MYT1L: variants seen among roughly 807,000 people sequenced by gnomAD.
MYT1L encodes myelin transcription factor 1 like.
Under a neutral mutation model 126.7 loss-of-function variants are expected in MYT1L, and 12 were observed. The ratio of observed to expected loss-of-function variants is 0.09; its 90% CI spans 0.06 to 0.15. MYT1L has a LOEUF of 0.15. MYT1L is among the 10% of genes least tolerant of loss of function. The pLI, the probability that MYT1L is intolerant of heterozygous loss-of-function variation, is 1.00. For synonymous variants in MYT1L, 541 were observed against 604.2 expected, an observed-to-expected ratio of 0.90 and a Z score of 1.53; for missense variants, 979 against 1,585.2, an observed-to-expected ratio of 0.62 and a Z score of 6.49.
intron 2 of MYT1L, among the ~76,000 whole-genome samples, chr2:2,272,630 C>G (rs1248083260): frequency 2.0e-5 from 3 of 152,150 alleles, no homozygotes; most frequent in Non-Finnish European, 4.4e-5. Context: ...CAGCATAGGT[C>G]TCTTCTCTGA....
intron 4 of MYT1L, among the ~76,000 whole-genome samples, chr2:2,020,623 T>C (rs952874368): frequency 6.6e-6 from 1 of 152,240 alleles, no homozygotes; most frequent in African/African-American, 2.4e-5. Context: ...ACTTAATCTT[T>C]TCATATCATA....
At chr2:1,813,614 A>G (rs1324553335) in intron 21 of MYT1L, among the ~76,000 whole-genome samples, 1 of 152,076 alleles carries the variant, frequency 6.6e-6, no homozygotes, top group African/African-American at 2.4e-5. Context: ...CAGGAGCGCA[A>G]ACGCTACTGA....
In MYT1L at chr2:1,892,087, C is replaced by T. The variant is rs2048962401; in HGVS notation, c.2233G>A (p.Glu745Lys). 6.5e-7 allele frequency: 1 copy of T among 1,542,812 alleles called. No individual in the cohort carries two copies. Residue 745 changes from glutamate to lysine, a missense_variant, in exon 15 of 25, where the codon GAG becomes AAG. By Grantham distance (56) the Glu-to-Lys change is moderately conservative (BLOSUM62 1). This residue lies in a region of MYT1L where 28 missense variants were observed against 66.6 expected (regional missense o/e 0.42). Coordinates refer to ENST00000647738, the MANE Select transcript of MYT1L (RefSeq NM_001303052.2). ...TTGGTGCTCAGGTTCTGCGGCATCT[C>T]GCGGCAGCGCGTGGACAGGTTGAGG... ...AILNLSTRCR[E>K]MPQNLSTKPQ...
chr2:2,174,737 T>C (rs1467929663), intron 2 of MYT1L, among the ~76,000 whole-genome samples: 6 of 152,124 alleles, frequency 3.9e-5, no homozygotes, highest in Non-Finnish European at 1.5e-5. Flanking sequence ...CATAATATTA[T>C]GATTTAAAAA....
chr2:1,997,510 TAG>T (rs2061974595), intron 4 of MYT1L, among the ~76,000 whole-genome samples, 163 bp from the exon 5 acceptor site: 1 of 152,248 alleles, frequency 6.6e-6, no homozygotes, highest in South Asian at 2.1e-4. Context: ...CATTCCCCTT[TAG>T]AGTTTATTCT....
chr2:2,022,443 A>AT (rs1006387083), intron 4 of MYT1L, among the ~76,000 whole-genome samples: 11 of 151,992 alleles, frequency 7.2e-5, no homozygotes, highest in African/African-American at 2.4e-4. Flanking sequence ...AATTTTAGGT[A>AT]TTTTTTTTAA....
intron 5 of MYT1L, among the ~76,000 whole-genome samples, chr2:1,993,048 T>C (rs2061561816): frequency 6.6e-6 from 1 of 152,172 alleles, no homozygotes; most frequent in Non-Finnish European, 1.5e-5. Flanking sequence ...TCAGCACTCC[T>C]GGCTCACTGG....
chr2:2,099,418 T>C (rs1450640358), intron 3 of MYT1L, among the ~76,000 whole-genome samples: 1 of 152,130 alleles, frequency 6.6e-6, no homozygotes, highest in Non-Finnish European at 1.5e-5. Context: ...CATAAAAGTT[T>C]CTGAAAGGCT....
intron 2 of MYT1L, among the ~76,000 whole-genome samples, chr2:2,222,362 G>A (rs1440139096): frequency 2.6e-5 from 4 of 151,892 alleles, no homozygotes; most frequent in Admixed American, 2.0e-4. Context: ...TGTGGTGGAG[G>A]GCACCCGTGA....
At chr2:2,312,859 G>A (rs551249789) in intron 1 of MYT1L, among the ~76,000 whole-genome samples, 2 of 152,118 alleles carry the variant, frequency 1.3e-5, no homozygotes, top group South Asian at 4.2e-4. Flanking sequence ...GGAAGAAAGG[G>A]GGGTTCTGGC....
intron 3 of MYT1L, among the ~76,000 whole-genome samples, chr2:2,099,719 G>A (rs2077836873): frequency 6.6e-6 from 1 of 152,172 alleles, no homozygotes; most frequent in Admixed American, 6.5e-5. Flanking sequence ...CCAACTCCAA[G>A]ATCACCAGAT....
chr2:2,134,704 A>C (rs2082816687), intron 3 of MYT1L, among the ~76,000 whole-genome samples: 1 of 152,176 alleles, frequency 6.6e-6, no homozygotes, highest in Non-Finnish European at 1.5e-5. Context: ...ATTTGCCAGC[A>C]CTTTGATCCT....
At position 1,943,422 on chromosome 2, in the gene MYT1L, G is replaced by C. The variant is rs998588408; in HGVS notation, c.153-88C>G. 13 of 1,387,638 alleles carry C rather than the reference G, an allele frequency of 9.4e-6. No homozygotes were observed. The highest frequency in any genetic ancestry group is 1.2e-5 in the Non-Finnish European group (13 of 1,051,418). 86.0% of individuals were successfully genotyped at this position (1,387,638 alleles called of 1,614,324 possible). ...TTAAAATCAGACCAATGGGGGCCTT[G>C]ATCAAGGTACTTAAAGGCTTATCAT... On this transcript the variant is annotated intron_variant, in intron 8 of 24. Coordinates refer to ENST00000647738, the MANE Select transcript of MYT1L (RefSeq NM_001303052.2). The surrounding 1 kb of genome is among the most constrained non-coding windows in gnomAD (Gnocchi z 4.4).
chr2:2,145,889 G>A (rs1286324225), intron 3 of MYT1L, among the ~76,000 whole-genome samples: 1 of 152,184 alleles, frequency 6.6e-6, no homozygotes, highest in African/African-American at 2.4e-5. Flanking sequence ...TTTATAAAAT[G>A]ATTGTTTCAA....
chr2:2,145,634 A>C (rs1265364642), intron 3 of MYT1L, among the ~76,000 whole-genome samples: 2 of 144,934 alleles, frequency 1.4e-5, no homozygotes, highest in Admixed American at 1.4e-4. Flanking sequence ...AAAAATACAC[A>C]CACACAAGAC....
At chr2:1,947,887 TCA>T (rs2057380812) in intron 8 of MYT1L, among the ~76,000 whole-genome samples, 1 of 152,230 alleles carries the variant, frequency 6.6e-6, no homozygotes, top group South Asian at 2.1e-4. Flanking sequence ...GTGAAACATT[TCA>T]CAAACAGCCT....
At chr2:2,183,001 T>C in intron 2 of MYT1L, among the ~76,000 whole-genome samples, 1 of 151,836 alleles carries the variant, frequency 6.6e-6, no homozygotes, top group East Asian at 1.9e-4. Context: ...GCCACAGAGG[T>C]GGGGAGGTTT....
chr2:2,330,550 C>T (rs1197871505), intron 1 of MYT1L, among the ~76,000 whole-genome samples: 2 of 152,156 alleles, frequency 1.3e-5, no homozygotes, highest in South Asian at 2.1e-4. Flanking sequence ...CAACTTTCTT[C>T]TTACCATCAG....
At chr2:1,855,841 A>T (rs2043846660) in intron 18 of MYT1L, among the ~76,000 whole-genome samples, 1 of 152,094 alleles carries the variant, frequency 6.6e-6, no homozygotes. Flanking sequence ...TTTGCCTGAG[A>T]TTAAGAATTT....
Sources: gnomAD v4.1 joint callset for allele counts (sites outside exome capture counted in the v4.1 genomes callset) on GRCh38, gnomAD v4.1.1 for gene constraint, gnomAD v4.1.1 regional missense constraint, Gnocchi (gnomAD v3.1) non-coding constraint, MANE v1.5 for transcripts, NCBI Gene and HGNC (gene_info 2026-07-23, HGNC 2026-07-21) for gene names.